The following EEIG1 variants were observed in gnomAD, a reference collection of about 807,000 sequenced individuals.
The protein encoded by EEIG1 is estrogen-induced osteoclastogenesis regulator 1, also known as early estrogen-induced gene 1 protein.
chr9:127,951,814 CAAAAAAAAAA>C, the EEIG1 span, among the ~76,000 whole-genome samples: 2 of 109,250 alleles, frequency 1.8e-5, no homozygotes, highest in East Asian at 5.6e-4. Context: ...GACTCCATCT[CAAAAAAAAAA>C]AAAAAAAGAA....
the EEIG1 span, among the ~76,000 whole-genome samples, chr9:127,945,967 G>T: frequency 6.6e-6 from 1 of 152,256 alleles, no homozygotes; most frequent in African/African-American, 2.4e-5. The surrounding 1 kb of genome is among the most constrained non-coding windows in gnomAD (Gnocchi z 6.5). Flanking sequence ...CTTGGGTGGG[G>T]TGCCCACCAC....
the EEIG1 span, chr9:127,945,321 C>T: frequency 7.0e-7 from 1 of 1,435,902 alleles, no homozygotes; most frequent in African/African-American, 1.4e-5. This position sits in a 1 kb window ranked among gnomAD's most constrained non-coding sequence, Gnocchi z 6.5. Flanking sequence ...CAAGGCACCA[C>T]CGGGAGAGGT....
chr9:127,959,756 C>T, the EEIG1 span, among the ~76,000 whole-genome samples: 1 of 152,188 alleles, frequency 6.6e-6, no homozygotes, highest in East Asian at 1.9e-4. Context: ...CCTGAGGCCT[C>T]GGCACCCATG....
chr9:127,959,768 G>A, the EEIG1 span, among the ~76,000 whole-genome samples: 1 of 152,186 alleles, frequency 6.6e-6, no homozygotes, highest in Admixed American at 6.5e-5. Flanking sequence ...GCACCCATGT[G>A]GGACTGTGAG....
At chr9:127,956,393 T>TA in the EEIG1 span, among the ~76,000 whole-genome samples, 3 of 152,190 alleles carry the variant, frequency 2.0e-5, no homozygotes, top group African/African-American at 4.8e-5. Flanking sequence ...AGGAATCCAC[T>TA]AAAAAACTAT....
the EEIG1 span, chr9:127,943,816 C>G: frequency 6.4e-6 from 1 of 157,466 alleles, no homozygotes; most frequent in Non-Finnish European, 1.4e-5. Flanking sequence ...CACCCCCACC[C>G]GAGAGCAGCC....
the EEIG1 span, chr9:127,980,235 G>T: frequency 7.5e-7 from 1 of 1,333,202 alleles, no homozygotes; most frequent in Non-Finnish European, 1.0e-6. Flanking sequence ...AAACACCAGA[G>T]CCGGATCCCG....
chr9:127,973,543 G>C, the EEIG1 span, among the ~76,000 whole-genome samples: 1 of 152,160 alleles, frequency 6.6e-6, no homozygotes, highest in Non-Finnish European at 1.5e-5. This position sits in a 1 kb window ranked among gnomAD's most constrained non-coding sequence, Gnocchi z 4.2. Context: ...GGGCTGCCAG[G>C]GTGGCACCTG....
the EEIG1 span, chr9:127,943,302 C>T: frequency 6.6e-7 from 1 of 1,507,590 alleles, no homozygotes; most frequent in African/African-American, 1.4e-5. Context: ...CTCCACTGGA[C>T]CAGGCCTCTG....
At chr9:127,980,283 G>C in the EEIG1 span, 15 of 943,826 alleles carry the variant, frequency 1.6e-5, no homozygotes, top group Non-Finnish European at 2.2e-5. Flanking sequence ...TCGGAGTCCG[G>C]GGCCCCAGGT....
the EEIG1 span, among the ~76,000 whole-genome samples, chr9:127,962,917 ACCT>A: frequency 6.6e-6 from 1 of 152,058 alleles, no homozygotes; most frequent in South Asian, 2.1e-4. Flanking sequence ...GCCCACCACC[ACCT>A]ACTTACCCTA....
chr9:127,953,266 T>C, the EEIG1 span: 3 of 406,086 alleles, frequency 7.4e-6, no homozygotes, highest in African/African-American at 4.1e-5. Flanking sequence ...TTTTTCTTCT[T>C]ACAAGGTCTG....
At chr9:127,950,791 C>T in the EEIG1 span, 30 of 1,046,716 alleles carry the variant, frequency 2.9e-5, no homozygotes, top group South Asian at 4.2e-4. Context: ...CACGTCCCGG[C>T]GTGCACCGGG....
chr9:127,950,645 A>C, the EEIG1 span: 1 of 1,523,004 alleles, frequency 6.6e-7, no homozygotes. Context: ...AGACAGATAA[A>C]GCCCCTGGGC....
At chr9:127,957,921 A>G in the EEIG1 span, among the ~76,000 whole-genome samples, 6 of 152,050 alleles carry the variant, frequency 3.9e-5, no homozygotes, top group Admixed American at 2.6e-4. Context: ...GCTGAGGCAC[A>G]AGACTCACTT....
chr9:127,943,015 A>C, the EEIG1 span: 7 of 657,544 alleles, frequency 1.1e-5, no homozygotes, highest in South Asian at 7.0e-5. Flanking sequence ...GGAGGGTCCC[A>C]GCATGGATGG....
the EEIG1 span, chr9:127,945,295 T>A: frequency 8.1e-7 from 1 of 1,233,934 alleles, no homozygotes. The surrounding 1 kb of genome is among the most constrained non-coding windows in gnomAD (Gnocchi z 6.5). Context: ...GTGTTATAGG[T>A]AAAGAAGCGG....
the EEIG1 span, among the ~76,000 whole-genome samples, chr9:127,960,991 C>A: frequency 9.1e-5 from 1 of 10,948 alleles, no homozygotes; most frequent in African/African-American, 1.7e-4. Context: ...AAAAAAAAAC[C>A]ACAGCAGCAG....
At chr9:127,979,602 C>T in the EEIG1 span, among the ~76,000 whole-genome samples, 1 of 152,206 alleles carries the variant, frequency 6.6e-6, no homozygotes, top group Non-Finnish European at 1.5e-5. Flanking sequence ...CCGGGGAACC[C>T]GTGGCTGGCC....
Sources: allele counts gnomAD v4.1 joint callset (sites outside exome capture counted in the v4.1 genomes callset), GRCh38; gene constraint gnomAD v4.1.1; non-coding constraint Gnocchi (gnomAD v3.1); transcripts MANE v1.5; gene names NCBI Gene and HGNC (gene_info 2026-07-23, HGNC 2026-07-21).